WDR76: variants seen among roughly 807,000 people sequenced by gnomAD.
The protein encoded by WDR76 is WD repeat-containing protein 76.
Under a neutral mutation model 70.2 loss-of-function variants are expected in WDR76, and 52 were observed. The ratio of observed to expected loss-of-function variants is 0.74; its 90% CI spans 0.59 to 0.93. The LOEUF (loss-of-function observed/expected upper bound fraction) is 0.93. Among genes scored for constraint, WDR76 ranks in the 40% least tolerant of loss-of-function variants. WDR76 has a pLI of 0.00. For missense variants in WDR76, 756 were observed against 760.2 expected (o/e 0.99, Z 0.07); for synonymous variants, 292 against 271.1 (o/e 1.08, Z -0.76).
intron 12 of WDR76, among the ~76,000 whole-genome samples, chr15:43,861,830 G>GTT: frequency 7.2e-6 from 1 of 138,306 alleles, no homozygotes; most frequent in East Asian, 2.2e-4. Flanking sequence ...ATGTATTTGT[G>GTT]TATTTTTTTT....
At chr15:43,830,287 G>T (rs1228843120) in intron 2 of WDR76, among the ~76,000 whole-genome samples, 1 of 151,944 alleles carries the variant, frequency 6.6e-6, no homozygotes, top group African/African-American at 2.4e-5. Flanking sequence ...AAGAAGTCAG[G>T]CTCGGTGGCT....
chr15:43,841,387 T>C (rs28679673), intron 5 of WDR76, among the ~76,000 whole-genome samples: 27,363 of 151,640 alleles, frequency 0.18, 3,619 homozygotes, highest in African/African-American at 0.37. Flanking sequence ...TTAGTAGAGA[T>C]GGGGTTTCAC....
At chr15:43,846,506 A>G (rs2087790142) in intron 8 of WDR76, among the ~76,000 whole-genome samples, 1 of 148,590 alleles carries the variant, frequency 6.7e-6, no homozygotes, top group African/African-American at 2.4e-5. Context: ...CTCATCTCAA[A>G]CTCCTGAGCT....
intron 9 of WDR76, among the ~76,000 whole-genome samples, chr15:43,854,950 CAAAA>C (rs535509405): frequency 5.1e-5 from 5 of 97,176 alleles, no homozygotes; most frequent in Admixed American, 3.2e-4. Flanking sequence ...GACTCCATCT[CAAAA>C]AAAAAAAAAA....
rs2087854718 is a variant in WDR76 at position 43,851,169 on chromosome 15, A to G, written c.1115A>G (p.Asn372Ser). 3.1e-6 allele frequency: 5 copies of G among 1,614,106 alleles called. No homozygotes were observed. The highest frequency in any genetic ancestry group is 4.2e-6 in the Non-Finnish European group (5 of 1,180,018). The change falls in exon 9 of 13, where the codon AAT (asparagine) becomes AGT (serine). Residue 372 changes from asparagine to serine, a missense_variant. Transcript: ENST00000263795. ...PVSCLYFSPA[N>S]PAHILSLSYD... ...AGCTGTCTTTACTTCTCACCCGCCA[A>G]TCCGGCCCACATACTGTCACTGAGC...
chr15:43,836,516 C>G (rs1052649292), intron 4 of WDR76, among the ~76,000 whole-genome samples: 1 of 152,032 alleles, frequency 6.6e-6, no homozygotes, highest in African/African-American at 2.4e-5. Context: ...ATTAAAGATT[C>G]TTCTACTTAC....
chr15:43,856,401 G>A (rs2087927340), intron 9 of WDR76, among the ~76,000 whole-genome samples: 9 of 152,256 alleles, frequency 5.9e-5, no homozygotes, highest in Admixed American at 5.9e-4. Context: ...GGTTGGCAAA[G>A]TTACTTTGCA....
intron 9 of WDR76, among the ~76,000 whole-genome samples, chr15:43,856,625 A>C (rs1004629604): frequency 4.1e-5 from 6 of 147,764 alleles, no homozygotes; most frequent in African/African-American, 1.5e-4. Flanking sequence ...TTTAATTTTC[A>C]GTTAGAAGGA....
At chr15:43,857,812 C>G (rs1034849103) in intron 10 of WDR76, among the ~76,000 whole-genome samples, 3 of 105,926 alleles carry the variant, frequency 2.8e-5, no homozygotes, top group Non-Finnish European at 5.2e-5. Context: ...GAGCGAGACT[C>G]TTGTCTCCAA....
chr15:43,831,227 G>T (rs995761671), intron 2 of WDR76, among the ~76,000 whole-genome samples: 4 of 151,970 alleles, frequency 2.6e-5, no homozygotes, highest in African/African-American at 9.7e-5. Context: ...CAAGACTCTT[G>T]TTTTAAAAAA....
chr15:43,828,409 A>T lies in WDR76; in HGVS notation c.462+43A>T. On this transcript the variant is annotated intron_variant, in intron 2 of 12. Coordinates refer to ENST00000263795, the MANE Select transcript of WDR76 (RefSeq NM_024908.4). ...AGCTTGTTCTGGTTTCTCTTTTTTG[A>T]AATTTGAAGTTCTGATAAATCGAAG... The T allele has an allele frequency of 2.0e-6, 3 of 1,534,822 alleles. No homozygotes were observed. The South Asian group carries it at 3.8e-5, about 19-fold the overall frequency.
chr15:43,840,574 G>A (rs2140301366), intron 5 of WDR76, among the ~76,000 whole-genome samples: 1 of 152,234 alleles, frequency 6.6e-6, no homozygotes, highest in African/African-American at 2.4e-5. Flanking sequence ...TTGTAAATAG[G>A]AAGATAGCAC....
At chr15:43,839,873 T>C (rs2087703169) in intron 5 of WDR76, 145 bp downstream of exon 5, 4 of 1,111,796 alleles carry the variant, frequency 3.6e-6, no homozygotes, top group Non-Finnish European at 3.7e-6. Flanking sequence ...GTTTTGTTTT[T>C]TTGAGATGGA....
chr15:43,827,717 G>A (rs1209515836), intron 1 of WDR76, among the ~76,000 whole-genome samples: 1 of 152,058 alleles, frequency 6.6e-6, no homozygotes, highest in African/African-American at 2.4e-5. Flanking sequence ...GCTAATTTTT[G>A]TATTTTTAGT....
chr15:43,857,707 G>A (rs895355925), intron 10 of WDR76: 7 of 168,762 alleles, frequency 4.1e-5, no homozygotes, highest in South Asian at 1.9e-4. Flanking sequence ...GTAATCCCAG[G>A]TACTTGGGAG....
chr15:43,854,966 A>G (rs1054751107), intron 9 of WDR76, among the ~76,000 whole-genome samples: 14 of 151,546 alleles, frequency 9.2e-5, no homozygotes, highest in Admixed American at 2.6e-4. Context: ...AAAAAAAAAA[A>G]GAAATTTTCC....
chr15:43,833,644 G>GT (rs2087619553), intron 2 of WDR76, among the ~76,000 whole-genome samples: 1 of 135,402 alleles, frequency 7.4e-6, no homozygotes, highest in Non-Finnish European at 1.6e-5. Context: ...TTGTTTGTTT[G>GT]TTTTTTGAGA....
intron 4 of WDR76, 131 bp downstream of exon 4, chr15:43,836,347 CT>C: frequency 1.1e-5 from 7 of 611,328 alleles, no homozygotes; most frequent in Non-Finnish European, 1.8e-5. Context: ...CCTCTAGGAT[CT>C]CTGAGGGAAT....
chr15:43,840,897 C>T (rs1475877623), intron 5 of WDR76, among the ~76,000 whole-genome samples: 1 of 152,028 alleles, frequency 6.6e-6, no homozygotes, highest in Non-Finnish European at 1.5e-5. Context: ...GGGAGCATCA[C>T]TTGAGACGTT....
Sources: allele counts gnomAD v4.1 joint callset (sites outside exome capture counted in the v4.1 genomes callset), GRCh38; gene constraint gnomAD v4.1.1; transcripts MANE v1.5; gene names NCBI Gene and HGNC (gene_info 2026-07-23, HGNC 2026-07-21).